Variants in ZNF418 observed in about 807,000 individuals in gnomAD.
ZNF418 encodes zinc finger protein 418.
In ZNF418, 32 loss-of-function variants were observed where a neutral mutation model predicts 32.0. That is an observed-to-expected ratio of 1.00 (90% CI 0.75 to 1.34). The LOEUF (loss-of-function observed/expected upper bound fraction) is 1.34. Among genes scored for constraint, ZNF418 ranks in the 40% most tolerant of loss-of-function variants. ZNF418 has a pLI of 0.00. For missense variants in ZNF418, 804 were observed against 812.5 expected, an observed-to-expected ratio of 0.99 and a Z score of 0.13; for synonymous variants, 276 against 270.7, an observed-to-expected ratio of 1.02 and a Z score of -0.19.
chr19:57,926,234 G>A lies in ZNF418; in HGVS notation c.1947C>T (p.Cys649=). 1.2e-6 allele frequency: 2 copies of A among 1,613,988 alleles called. No individual in the cohort carries two copies. Among genetic ancestry groups the A allele is most frequent in the Non-Finnish European group, 1.7e-6 (2 of 1,179,972 alleles). ...RVHTGERPYE[C]SECGKSFHRS... Reference sequence around the variant, plus strand: ...GATGAAATGATTTTCCACATTCACTGCACTCATAAGGCCTTTCTCCAGTGT... The same window carrying A: ...GATGAAATGATTTTCCACATTCACTACACTCATAAGGCCTTTCTCCAGTGT... The change falls in exon 4 of 6, where the codon TGC becomes TGT. Residue 649 remains cysteine (C), a synonymous_variant. Coordinates refer to ENST00000396147, the MANE Select transcript of ZNF418 (RefSeq NM_133460.3).
chr19:57,923,314 A>T (rs916920394), intron 4 of ZNF418, 25 bp from the exon 5 acceptor site: 1 of 151,970 alleles, frequency 6.6e-6, no homozygotes, highest in African/African-American at 2.4e-5. Flanking sequence ...AAAAAAATTA[A>T]GAAAGAATCA....
intron 3 of ZNF418, 75 bp downstream of exon 3, chr19:57,930,353 A>T: frequency 4.4e-6 from 7 of 1,605,130 alleles, no homozygotes; most frequent in Middle Eastern, 1.7e-4. Context: ...ATGATAAAAG[A>T]CAGTCTTGCC....
At chr19:57,929,064 G>A (rs2072373037) in intron 3 of ZNF418, among the ~76,000 whole-genome samples, 1 of 152,124 alleles carries the variant, frequency 6.6e-6, no homozygotes, top group Admixed American at 6.6e-5. Context: ...GTGTATGCCA[G>A]TATCGGACAG....
intron 2 of ZNF418, among the ~76,000 whole-genome samples, chr19:57,931,255 G>A (rs1389541037): frequency 1.3e-5 from 2 of 151,902 alleles, no homozygotes; most frequent in African/African-American, 4.8e-5. Flanking sequence ...AGACAAGAGT[G>A]CGGTGGCGGG....
intron 4 of ZNF418, among the ~76,000 whole-genome samples, chr19:57,923,529 T>TACATATACATACATGTATATAC (rs2072086360): frequency 7.9e-6 from 1 of 126,278 alleles, no homozygotes; most frequent in African/African-American, 2.9e-5. Flanking sequence ...CATATATACA[T>TACATATACATACATGTATATAC]ATATATACAT....
Position 57,926,955 on chromosome 19 carries a change from C to G in ZNF418, c.1226G>C (p.Arg409Pro). The change falls in exon 4 of 6, where the codon CGA becomes CCA. Residue 409 changes from arginine to proline, a missense_variant. Around this residue, in one of 3 missense-constraint regions of ZNF418, gnomAD observed 475 missense variants for 458.6 expected, o/e 1.04. Coordinates refer to ENST00000396147, the MANE Select transcript of ZNF418 (RefSeq NM_133460.3). ...ECGECGKSFS[R>P]KGHLRNHQRG... ...CTGATGGTTCCTAAGGTGTCCCTTTCGACTAAAAGATTTCCCACATTCTCC... is the reference window on the plus strand; with the variant it reads ...CTGATGGTTCCTAAGGTGTCCCTTTGGACTAAAAGATTTCCCACATTCTCC... The G allele has an allele frequency of 3.1e-6, 5 of 1,611,438 alleles. No individual in the cohort carries two copies. The highest frequency in any genetic ancestry group is 3.4e-6 in the Non-Finnish European group (4 of 1,179,274).
chr19:57,924,804 T>C (rs188776069), intron 4 of ZNF418, among the ~76,000 whole-genome samples: 1 of 152,272 alleles, frequency 6.6e-6, no homozygotes, highest in Non-Finnish European at 1.5e-5. Flanking sequence ...TCACAAACAC[T>C]GTTCCCTTCT....
intron 4 of ZNF418, among the ~76,000 whole-genome samples, chr19:57,924,247 G>A (rs930684039): frequency 2.6e-5 from 4 of 151,988 alleles, no homozygotes; most frequent in Admixed American, 2.6e-4. Flanking sequence ...GAGTCTCTGC[G>A]GCAGCAAATA....
At chr19:57,932,825 G>A (rs1347933020) in intron 2 of ZNF418, among the ~76,000 whole-genome samples, 2 of 152,146 alleles carry the variant, frequency 1.3e-5, no homozygotes, top group East Asian at 3.9e-4. Context: ...AGTCCACAGA[G>A]TGGTGAATAA....
Position 57,926,497 on chromosome 19 carries a change from C to T in ZNF418, c.1684G>A (p.Ala562Thr), listed in dbSNP as rs1217320029. 1.2e-6 allele frequency: 2 copies of T among 1,613,188 alleles called. No individual in the cohort carries two copies. Among genetic ancestry groups the T allele is most frequent in the Admixed American group, 3.3e-5 (2 of 59,898 alleles). ...TCTCTGCACTCATAAGGTCTTTCTG[C>T]AGTGTGAGTTTTCTGATGTCGAAGG... ...SLLRHQKTHT[A>T]ERPYECRECG... Residue 562 changes from alanine to threonine, a missense_variant, in exon 4 of 6, where the codon GCA (alanine) becomes ACA (threonine). By Grantham distance (58) the Ala-to-Thr change is moderately conservative. This residue lies in a region of ZNF418 where 475 missense variants were observed against 458.6 expected (regional missense o/e 1.04). Transcript: ENST00000396147.
Position 57,930,485 on chromosome 19 carries a change from G to A in ZNF418, c.76C>T (p.Gln26Ter), listed in dbSNP as rs778821104. 6.2e-7 allele frequency: 1 copy of A among 1,614,148 alleles called. No homozygotes were observed. The highest frequency in any genetic ancestry group is 1.1e-5 in the South Asian group (1 of 91,086). The change falls in exon 3 of 6, where the codon CAG (glutamine) becomes TAG (stop). Residue 26 changes from glutamine (Q) to a stop codon, truncating the protein, a stop_gained. Transcript: ENST00000396147. LOFTEE classifies it high-confidence loss of function. ...QEEWSLLSEV[Q>*]RCLYHDVMLE... ...ATCACGTCATGGTAAAGGCATCTCT[G>A]AACCTCACTAAGGAGACTCCACTCC... is the stretch of plus-strand genomic sequence containing the variant.
Position 57,927,954 on chromosome 19 carries a change from A to C in ZNF418, c.227T>G (p.Val76Gly), listed in dbSNP as rs757162190. 6.2e-7 allele frequency: 1 copy of C among 1,613,076 alleles called. No individual in the cohort carries two copies. Among genetic ancestry groups the C allele is most frequent in the Non-Finnish European group, 8.5e-7 (1 of 1,179,336 alleles). ...VSQVSTPGAG[V>G]SPKKAHSCEM... Reference sequence around the variant, plus strand: ...ACAAGAGTGGGCCTTCTTGGGAGACACACCTGCCCCAGGAGTGCTGACCTG... The same window carrying C: ...ACAAGAGTGGGCCTTCTTGGGAGACCCACCTGCCCCAGGAGTGCTGACCTG... Residue 76 changes from valine to glycine, a missense_variant, in exon 4 of 6, where the codon GTG (valine) becomes GGG (glycine). Transcript: ENST00000396147.
rs747248216 is a variant in ZNF418 at position 57,930,554 on chromosome 19, CCTG to C, written c.7-3_7-1del. 3 of 1,613,978 alleles carry C rather than the reference CCTG, an allele frequency of 1.9e-6. No homozygotes were observed. The highest frequency in any genetic ancestry group is 2.7e-5 in the African/African-American group (2 of 74,994). ...GCCACATCTTCAAATGCCACAGTGC[CCTG>C]CTATGATGGTGACAGATGAAACCAC... On this transcript the variant is annotated splice_acceptor_variant and splice_polypyrimidine_tract_variant and intron_variant, in intron 2 of 5. Transcript: ENST00000396147. LOFTEE classifies it high-confidence loss of function.
chr19:57,929,395 G>A (rs1441127146), intron 3 of ZNF418, among the ~76,000 whole-genome samples: 1 of 152,204 alleles, frequency 6.6e-6, no homozygotes, highest in Non-Finnish European at 1.5e-5. Flanking sequence ...CAGCACTGAG[G>A]ACTCTCCATC....
In ZNF418 at chr19:57,925,786, C is replaced by T. The variant is rs930076911; in HGVS notation, c.*364G>A. 3.5e-5 allele frequency: 7 copies of T among 198,382 alleles called. No homozygotes were observed. The highest frequency in any genetic ancestry group is 6.2e-5 in the Non-Finnish European group (6 of 96,542). The allele number at this position is 198,382 out of a possible 1,614,324, so 12.3% of individuals were successfully genotyped here. A position where few individuals can be genotyped will look rare whatever the true frequency, so the allele number is the denominator to read the frequency against. ...GGGAACCCGGCAGGGTGAAAAATGC[C>T]ACACAGCTCCAACATAATTGAGTTT... On this transcript the variant is annotated 3_prime_UTR_variant, in exon 4 of 6. Coordinates refer to ENST00000396147, the MANE Select transcript of ZNF418 (RefSeq NM_133460.3).
Position 57,926,852 on chromosome 19 carries a change from C to A in ZNF418, c.1329G>T (p.Gln443His). Reference protein sequence around the residue: ...KSFSRKGNLIQHQRSHTGERP... With the variant: ...KSFSRKGNLIHHQRSHTGERP... The stretch of plus-strand genomic sequence containing the variant: ...TTTCTCCAGTGTGGCTTCGCTGATG[C>A]TGAATGAGGTTGCCCTTTCGACTAA... The change falls in exon 4 of 6, where the codon CAG becomes CAT. Residue 443 changes from glutamine (Q) to histidine (H), a missense_variant. This residue lies in a region of ZNF418 where 475 missense variants were observed against 458.6 expected (regional missense o/e 1.04). Coordinates refer to ENST00000396147, the MANE Select transcript of ZNF418 (RefSeq NM_133460.3). 1 of 1,614,090 alleles carries A rather than the reference C, an allele frequency of 6.2e-7. No individual in the cohort carries two copies.
Position 57,927,124 on chromosome 19 carries a change from G to T in ZNF418, c.1057C>A (p.Gln353Lys), listed in dbSNP as rs2072269036. 1 of 1,613,790 alleles carries T rather than the reference G, an allele frequency of 6.2e-7. No individual in the cohort carries two copies. The highest frequency in any genetic ancestry group is 2.2e-5 in the East Asian group (1 of 44,822). ...ECEECGKCFT[Q>K]KGNLIQHQRG... ...TGATGTTGAATGAGATTGCCCTTCT[G>T]AGTAAAACATTTCCCACATTCTTCA... The change falls in exon 4 of 6, where the codon CAG becomes AAG. Residue 353 changes from glutamine to lysine, a missense_variant. Transcript: ENST00000396147.
chr19:57,927,908 C>G lies in ZNF418; in HGVS notation c.273G>C (p.Leu91Phe), dbSNP rs981044652. 1.7e-5 allele frequency: 28 copies of G among 1,613,978 alleles called. No individual in the cohort carries two copies. The highest frequency in any genetic ancestry group is 4.0e-5 in the African/African-American group (3 of 74,886). ...GATCTGCCAAGTGCAAAATGTCTCC[C>G]AAGATCGCGCCACACATTTCACAAG... ...AHSCEMCGAI[L>F]GDILHLADHQ... The change falls in exon 4 of 6, where the codon TTG (leucine) becomes TTC (phenylalanine). Residue 91 changes from leucine to phenylalanine, a missense_variant. Leu to Phe is a conservative substitution (Grantham distance 22). Coordinates refer to ENST00000396147, the MANE Select transcript of ZNF418 (RefSeq NM_133460.3).
intron 4 of ZNF418, among the ~76,000 whole-genome samples, 191 bp downstream of exon 4, chr19:57,925,432 G>A (rs1377973852): frequency 6.7e-6 from 1 of 149,968 alleles, no homozygotes; most frequent in Non-Finnish European, 1.5e-5. Context: ...CTGTACTCCA[G>A]CCTGGGCGAC....
Sources: allele counts gnomAD v4.1 joint callset (sites outside exome capture counted in the v4.1 genomes callset), GRCh38; gene constraint gnomAD v4.1.1; regional missense constraint gnomAD v4.1.1; transcripts MANE v1.5; gene names NCBI Gene and HGNC (gene_info 2026-07-23, HGNC 2026-07-21).